The following ADCY2 variants were observed in gnomAD, a reference collection of about 807,000 sequenced individuals.
The protein encoded by ADCY2 is adenylate cyclase type 2.
A neutral mutation model predicts 125.2 loss-of-function variants in ADCY2; 31 were observed. The ratio of observed to expected loss-of-function variants is 0.25; its 90% CI spans 0.19 to 0.33. The LOEUF (loss-of-function observed/expected upper bound fraction) is 0.33. Ranked by LOEUF, ADCY2 falls within the 10% of genes least tolerant of loss-of-function variation. ADCY2 has a pLI of 1.00. For synonymous variants in ADCY2, 512 were observed against 548.4 expected (o/e 0.93, Z 0.93); for missense variants, 904 against 1,418.2 (o/e 0.64, Z 5.82).
At chr5:7,583,717 T>A (rs1736509960) in intron 3 of ADCY2, among the ~76,000 whole-genome samples, 1 of 152,098 alleles carries the variant, frequency 6.6e-6, no homozygotes, top group Non-Finnish European at 1.5e-5. Flanking sequence ...TCAAAATGAA[T>A]CACACCTGCT....
At chr5:7,575,006 A>C (rs972044916) in intron 3 of ADCY2, among the ~76,000 whole-genome samples, 9 of 152,176 alleles carry the variant, frequency 5.9e-5, no homozygotes, top group Non-Finnish European at 1.2e-4. Context: ...AAATGATAGC[A>C]GTAGTACAAT....
chr5:7,538,841 T>TC (rs1253192155), intron 3 of ADCY2, among the ~76,000 whole-genome samples: 1 of 139,926 alleles, frequency 7.1e-6, no homozygotes, highest in Non-Finnish European at 1.5e-5. Context: ...ATTTCTTTTT[T>TC]CTTTTTTTCT....
intron 2 of ADCY2, among the ~76,000 whole-genome samples, chr5:7,438,167 G>A (rs749041472): frequency 5.9e-5 from 9 of 152,198 alleles, no homozygotes; most frequent in Non-Finnish European, 1.0e-4. Context: ...GAAGATTCCA[G>A]ATGGAAAGGT....
At chr5:7,446,047 GTT>G (rs1387121851) in intron 2 of ADCY2, among the ~76,000 whole-genome samples, 1 of 152,122 alleles carries the variant, frequency 6.6e-6, no homozygotes, top group Non-Finnish European at 1.5e-5. Context: ...CATCTGTGCA[GTT>G]TTTCTCACTC....
chr5:7,452,480 C>T (rs574005053), intron 2 of ADCY2, among the ~76,000 whole-genome samples: 4 of 152,272 alleles, frequency 2.6e-5, no homozygotes, highest in Admixed American at 2.6e-4. Flanking sequence ...ATGTATATCA[C>T]ATTTTCTTTA....
chr5:7,559,422 A>G (rs559210153), intron 3 of ADCY2, among the ~76,000 whole-genome samples: 1 of 152,108 alleles, frequency 6.6e-6, no homozygotes, highest in African/African-American at 2.4e-5. Context: ...TAGGTATTTT[A>G]TACTTTTTGT....
intron 3 of ADCY2, among the ~76,000 whole-genome samples, chr5:7,603,045 CAGCCA>C (rs1317091322): frequency 2.0e-5 from 3 of 152,158 alleles, no homozygotes; most frequent in Non-Finnish European, 4.4e-5. Flanking sequence ...GCTGCAGATC[CAGCCA>C]TTTCATCTAC....
At chr5:7,503,784 G>A (rs981903010) in intron 2 of ADCY2, among the ~76,000 whole-genome samples, 5 of 152,200 alleles carry the variant, frequency 3.3e-5, no homozygotes, top group South Asian at 2.1e-4. Flanking sequence ...GGGCACTCAC[G>A]CAACAAGAGC....
chr5:7,795,557 A>G (rs4702499), intron 20 of ADCY2: 103,422 of 152,182 alleles, frequency 0.68, 36,170 homozygotes, highest in Non-Finnish European at 0.77. Context: ...CTTCTGGGGC[A>G]TGGGGTGGAT....
At chr5:7,571,277 CA>C (rs1388942281) in intron 3 of ADCY2, among the ~76,000 whole-genome samples, 1 of 152,080 alleles carries the variant, frequency 6.6e-6, no homozygotes, top group Non-Finnish European at 1.5e-5. Context: ...CAATTTGGTC[CA>C]AAGGCCTGGA....
At chr5:7,404,970 T>A (rs1023560571) in intron 1 of ADCY2, among the ~76,000 whole-genome samples, 3 of 152,176 alleles carry the variant, frequency 2.0e-5, no homozygotes, top group African/African-American at 7.2e-5. Flanking sequence ...TGGGATCTGG[T>A]TTCAAGAATG....
chr5:7,737,742 G>T (rs1409761564), intron 14 of ADCY2, among the ~76,000 whole-genome samples: 3 of 152,130 alleles, frequency 2.0e-5, no homozygotes, highest in East Asian at 1.9e-4. Context: ...ACCACATGTG[G>T]CATATTATAG....
intron 13 of ADCY2, 33 bp downstream of exon 13, chr5:7,724,647 G>A (rs546154995): frequency 1.4e-5 from 20 of 1,452,984 alleles, no homozygotes; most frequent in Admixed American, 2.1e-5. Context: ...ATCATCAATC[G>A]AGTTTTCTGA....
intron 3 of ADCY2, among the ~76,000 whole-genome samples, chr5:7,591,500 A>G (rs1045970799): frequency 6.6e-6 from 1 of 152,236 alleles, no homozygotes; most frequent in Non-Finnish European, 1.5e-5. Flanking sequence ...TAATTTGATC[A>G]TTTTCAAACT....
intron 2 of ADCY2, among the ~76,000 whole-genome samples, chr5:7,447,701 A>G (rs1007677504): frequency 6.6e-6 from 1 of 152,204 alleles, no homozygotes; most frequent in African/African-American, 2.4e-5. Flanking sequence ...GCAGGAAGAG[A>G]TCAGCACAGT....
chr5:7,591,177 A>G (rs975367345), intron 3 of ADCY2, among the ~76,000 whole-genome samples: 4 of 152,198 alleles, frequency 2.6e-5, no homozygotes, highest in Non-Finnish European at 5.9e-5. Context: ...ACATTTTTTA[A>G]GGGGAAGTAA....
chr5:7,763,853 T>C (rs1437989393), intron 16 of ADCY2, among the ~76,000 whole-genome samples: 2 of 152,110 alleles, frequency 1.3e-5, no homozygotes, highest in Non-Finnish European at 2.9e-5. Context: ...ACTCTGTACC[T>C]CAAAGGGGAG....
intron 4 of ADCY2, among the ~76,000 whole-genome samples, chr5:7,684,616 A>G (rs1392187513): frequency 6.6e-6 from 1 of 152,048 alleles, no homozygotes; most frequent in African/African-American, 2.4e-5. Flanking sequence ...TTAACAATGT[A>G]CTCTCTAAAA....
intron 3 of ADCY2, among the ~76,000 whole-genome samples, chr5:7,612,813 G>A (rs1021816445): frequency 3.3e-5 from 5 of 152,114 alleles, no homozygotes; most frequent in African/African-American, 1.2e-4. Flanking sequence ...TCAGGAGATC[G>A]AGACCATCAT....
Sources: gnomAD v4.1 joint callset for allele counts (sites outside exome capture counted in the v4.1 genomes callset) on GRCh38, gnomAD v4.1.1 for gene constraint, MANE v1.5 for transcripts, NCBI Gene and HGNC (gene_info 2026-07-23, HGNC 2026-07-21) for gene names.